The following GPM6A variants were observed in gnomAD, a reference collection of about 807,000 sequenced individuals.
The protein encoded by GPM6A is neuronal membrane glycoprotein M6-a.
Under a neutral mutation model 32.1 loss-of-function variants are expected in GPM6A, and 7 were observed. The observed-to-expected ratio is 0.22, with a 90% confidence interval of 0.12 to 0.41. The LOEUF is 0.41. GPM6A is among the 10% of genes least tolerant of loss of function. The probability of loss-of-function intolerance (pLI) is 1.00; values close to 1 mark genes in which losing one functional copy is unlikely to be tolerated. For synonymous variants in GPM6A, 130 were observed against 123.4 expected (o/e 1.05, Z -0.35); for missense variants, 235 against 347.2 (o/e 0.68, Z 2.57).
At chr4:175,865,233 G>C (rs1428525533) in intron 1 of GPM6A, among the ~76,000 whole-genome samples, 5 of 152,176 alleles carry the variant, frequency 3.3e-5, no homozygotes, top group Admixed American at 2.0e-4. Context: ...AAACACTGTT[G>C]AAAATCAACT....
At chr4:175,899,171 C>G (rs143235252) in intron 1 of GPM6A, among the ~76,000 whole-genome samples, 9 of 152,234 alleles carry the variant, frequency 5.9e-5, no homozygotes, top group African/African-American at 2.2e-4. Flanking sequence ...TTCTACTAAA[C>G]AACTTAAAAC....
At chr4:175,754,600 GT>G (rs1732459317) in intron 1 of GPM6A, among the ~76,000 whole-genome samples, 2 of 152,148 alleles carry the variant, frequency 1.3e-5, no homozygotes, top group South Asian at 4.2e-4. Flanking sequence ...TTGTTTGTAG[GT>G]ATTTTCTTTC....
At chr4:175,840,449 G>A (rs1020494939) in intron 1 of GPM6A, among the ~76,000 whole-genome samples, 51 of 152,266 alleles carry the variant, frequency 3.3e-4, no homozygotes, top group South Asian at 1.2e-3. Context: ...AGACCGAGGC[G>A]GACGGATCAC....
intron 1 of GPM6A, among the ~76,000 whole-genome samples, chr4:175,779,000 T>G (rs1259795459): frequency 6.6e-6 from 1 of 152,056 alleles, no homozygotes; most frequent in Non-Finnish European, 1.5e-5. Flanking sequence ...ACAAATTTAT[T>G]GTATAACATT....
At chr4:175,788,448 A>G (rs931476418) in intron 1 of GPM6A, among the ~76,000 whole-genome samples, 31 of 152,208 alleles carry the variant, frequency 2.0e-4, no homozygotes, top group Non-Finnish European at 4.4e-4. Flanking sequence ...AAAAGTAGAA[A>G]TATACAGACT....
intron 3 of GPM6A, among the ~76,000 whole-genome samples, chr4:175,670,861 A>ATTTTTTTTTTTTT (rs33998725): frequency 2.4e-5 from 3 of 124,174 alleles, no homozygotes; most frequent in South Asian, 2.6e-4. Context: ...ATGTTGCTTC[A>ATTTTTTTTTTTTT]TTTTTTTTTT....
At chr4:175,835,384 C>A (rs1331083710) in intron 1 of GPM6A, among the ~76,000 whole-genome samples, 2 of 152,034 alleles carry the variant, frequency 1.3e-5, no homozygotes, top group African/African-American at 4.8e-5. Flanking sequence ...ATCTTCTAAA[C>A]CTGACTGTAC....
chr4:175,787,013 C>T, intron 1 of GPM6A: 1 of 249,898 alleles, frequency 4.0e-6, no homozygotes, highest in Non-Finnish European at 7.6e-6. Flanking sequence ...CCCAATTGAC[C>T]TCCCTCTGTG....
intron 1 of GPM6A, among the ~76,000 whole-genome samples, chr4:175,901,472 T>G (rs1737964005): frequency 1.3e-5 from 2 of 151,712 alleles, no homozygotes; most frequent in South Asian, 4.2e-4. Flanking sequence ...TAAAATGAGA[T>G]AGGATTATAA....
intron 3 of GPM6A, among the ~76,000 whole-genome samples, chr4:175,661,357 C>T (rs1228111759): frequency 6.6e-6 from 1 of 150,996 alleles, no homozygotes; most frequent in Admixed American, 6.6e-5. Context: ...ATCACTTGAA[C>T]CCAGGAGGTG....
chr4:175,862,981 C>T (rs1736618715), intron 1 of GPM6A, among the ~76,000 whole-genome samples: 1 of 152,100 alleles, frequency 6.6e-6, no homozygotes, highest in South Asian at 2.1e-4. Context: ...TGTTTGTCAT[C>T]TTTCTCTCTA....
chr4:175,917,346 C>T (rs921548649), intron 1 of GPM6A, among the ~76,000 whole-genome samples: 3 of 152,130 alleles, frequency 2.0e-5, no homozygotes, highest in Non-Finnish European at 4.4e-5. Flanking sequence ...TCTTCTTCCC[C>T]AAGCACTGCC....
intron 1 of GPM6A, among the ~76,000 whole-genome samples, chr4:175,853,915 A>C (rs983252922): frequency 3.9e-5 from 6 of 152,156 alleles, no homozygotes; most frequent in African/African-American, 1.2e-4. Context: ...GTTCCACATT[A>C]ATTTGAACTA....
At chr4:175,659,993 C>T (rs76676190) in intron 3 of GPM6A, among the ~76,000 whole-genome samples, 1,852 of 152,010 alleles carry the variant, frequency 0.012, 31 homozygotes, top group East Asian at 0.087. Flanking sequence ...ACAGTATTGA[C>T]GTTAAATGTC....
At chr4:175,809,478 A>G (rs1185549849) in intron 1 of GPM6A, among the ~76,000 whole-genome samples, 1 of 151,896 alleles carries the variant, frequency 6.6e-6, no homozygotes. Flanking sequence ...ACCAAAAAAT[A>G]TGTTTCTTAA....
upstream of GPM6A, among the ~76,000 whole-genome samples, chr4:175,815,959 C>T (rs376394073): frequency 3.5e-4 from 53 of 152,202 alleles, no homozygotes; most frequent in African/African-American, 1.3e-3. Context: ...TCAGGTGATC[C>T]GCCTACCTCG....
chr4:175,838,139 A>ACG (rs903365315), intron 1 of GPM6A, among the ~76,000 whole-genome samples: 1 of 142,834 alleles, frequency 7.0e-6, no homozygotes, highest in Non-Finnish European at 1.5e-5. Flanking sequence ...ACACACACAC[A>ACG]CGCACCCCTG....
intron 1 of GPM6A, among the ~76,000 whole-genome samples, chr4:175,919,380 C>CA (rs984232020): frequency 2.6e-5 from 4 of 151,988 alleles, no homozygotes; most frequent in Admixed American, 2.6e-4. Context: ...GATCCCCGGC[C>CA]AAAAAAGATT....
chr4:175,882,158 A>G (rs1394613485), intron 1 of GPM6A, among the ~76,000 whole-genome samples: 4 of 152,212 alleles, frequency 2.6e-5, no homozygotes, highest in Non-Finnish European at 4.4e-5. Flanking sequence ...TCCATTTAAT[A>G]TAAGTCAAGA....
Sources: gnomAD v4.1 joint callset for allele counts (sites outside exome capture counted in the v4.1 genomes callset) on GRCh38, gnomAD v4.1.1 for gene constraint, MANE v1.5 for transcripts, NCBI Gene and HGNC (gene_info 2026-07-23, HGNC 2026-07-21) for gene names.